CSMD3: variants seen among roughly 807,000 people sequenced by gnomAD.
CSMD3 encodes CUB and Sushi multiple domains 3, also known as CUB and sushi domain-containing protein 3.
A neutral mutation model predicts 435.2 loss-of-function variants in CSMD3; 177 were observed. That is an observed-to-expected ratio of 0.41 (90% CI 0.36 to 0.46). CSMD3 has a LOEUF of 0.46. Ranked by LOEUF, CSMD3 falls within the 20% of genes least tolerant of loss-of-function variation. CSMD3 has a pLI of 0.34. For synonymous variants in CSMD3, 1,656 were observed against 1,520.5 expected, an observed-to-expected ratio of 1.09 and a Z score of -2.07; for missense variants, 4,265 against 4,504.6, an observed-to-expected ratio of 0.95 and a Z score of 1.52.
chr8:112,511,427 T>C (rs548702042), intron 28 of CSMD3, among the ~76,000 whole-genome samples: 77 of 146,324 alleles, frequency 5.3e-4, no homozygotes, highest in Middle Eastern at 3.6e-3. Context: ...TCTCGCTCTG[T>C]TGCCTAGGCT....
chr8:113,362,241 G>T (rs1024085999), intron 1 of CSMD3, among the ~76,000 whole-genome samples: 1 of 152,070 alleles, frequency 6.6e-6, no homozygotes, highest in South Asian at 2.1e-4. Flanking sequence ...ATAACTCACA[G>T]ATTAGACATT....
chr8:112,650,394 T>C, intron 18 of CSMD3, 45 bp from the exon 19 acceptor site: 2 of 1,466,430 alleles, frequency 1.4e-6, no homozygotes, highest in Non-Finnish European at 9.6e-7. Context: ...TTGGTGGGAT[T>C]TGGAGTTGCT....
At chr8:112,658,677 G>T (rs1200345900) in intron 17 of CSMD3, among the ~76,000 whole-genome samples, 1 of 152,068 alleles carries the variant, frequency 6.6e-6, no homozygotes, top group Non-Finnish European at 1.5e-5. Flanking sequence ...GTCAATCTAG[G>T]CCAGGCACAG....
intron 5 of CSMD3, among the ~76,000 whole-genome samples, chr8:113,091,864 A>T (rs947254553): frequency 6.6e-6 from 1 of 151,966 alleles, no homozygotes; most frequent in South Asian, 2.1e-4. Context: ...TTTAAGATGC[A>T]TCATGGGTGT....
intron 11 of CSMD3, among the ~76,000 whole-genome samples, chr8:112,836,720 T>G (rs953319533): frequency 6.6e-6 from 1 of 151,846 alleles, no homozygotes; most frequent in Non-Finnish European, 1.5e-5. Context: ...TCTGTGTGCG[T>G]GGGGCTTGCA....
chr8:112,501,319 G>A (rs1236103238), intron 30 of CSMD3, among the ~76,000 whole-genome samples: 3 of 151,378 alleles, frequency 2.0e-5, no homozygotes, highest in Non-Finnish European at 4.4e-5. Flanking sequence ...GAATGAACTC[G>A]GGAGGCGGAG....
chr8:112,280,213 T>C (rs1327641666), intron 59 of CSMD3, among the ~76,000 whole-genome samples: 3 of 152,160 alleles, frequency 2.0e-5, no homozygotes, highest in African/African-American at 4.8e-5. Flanking sequence ...CAAGTCTCCT[T>C]TGCTACAGAG....
chr8:112,470,090 A>C (rs1271564204), intron 32 of CSMD3, among the ~76,000 whole-genome samples: 1 of 152,204 alleles, frequency 6.6e-6, no homozygotes, highest in Non-Finnish European at 1.5e-5. Context: ...AATACGAAGA[A>C]GTCAACAGTC....
At chr8:113,409,427 C>G (rs1030493175) in intron 1 of CSMD3, among the ~76,000 whole-genome samples, 2 of 152,030 alleles carry the variant, frequency 1.3e-5, no homozygotes, top group African/African-American at 4.8e-5. Flanking sequence ...TAGTTCCTAT[C>G]TCTTTTCACT....
chr8:112,839,669 G>GT (rs535540487), intron 11 of CSMD3, among the ~76,000 whole-genome samples: 23 of 151,362 alleles, frequency 1.5e-4, no homozygotes, highest in South Asian at 4.2e-4. Flanking sequence ...CTCTTTTTCT[G>GT]TTTTTTTGTC....
intron 16 of CSMD3, among the ~76,000 whole-genome samples, chr8:112,675,104 A>T (rs1464894222): frequency 6.6e-6 from 1 of 151,990 alleles, no homozygotes; most frequent in Non-Finnish European, 1.5e-5. Flanking sequence ...AATATAGATA[A>T]TTTTTTCTTC....
At chr8:112,391,199 TGAG>T in intron 35 of CSMD3, among the ~76,000 whole-genome samples, 1 of 152,292 alleles carries the variant, frequency 6.6e-6, no homozygotes, top group Admixed American at 6.5e-5. Flanking sequence ...TGGAAAGTAA[TGAG>T]GATGATGATA....
intron 27 of CSMD3, among the ~76,000 whole-genome samples, chr8:112,535,527 C>G (rs1338666497): frequency 6.6e-6 from 1 of 151,482 alleles, no homozygotes; most frequent in South Asian, 2.1e-4. Context: ...AAAGAGGATA[C>G]AAACAAATGG....
intron 13 of CSMD3, among the ~76,000 whole-genome samples, chr8:112,765,780 C>T (rs1230403665): frequency 5.3e-5 from 8 of 151,636 alleles, no homozygotes; most frequent in Non-Finnish European, 7.4e-5. Context: ...TGCAACTCTG[C>T]GGTCCTGTAT....
At chr8:113,274,780 A>T (rs2093556374) in intron 3 of CSMD3, among the ~76,000 whole-genome samples, 1 of 150,480 alleles carries the variant, frequency 6.6e-6, no homozygotes, top group Non-Finnish European at 1.5e-5. Context: ...TTTTAAAGAA[A>T]TATATTTGTA....
chr8:112,899,599 TTATATA>T (rs71309794), intron 10 of CSMD3, among the ~76,000 whole-genome samples: 38,239 of 99,672 alleles, frequency 0.38, 7,037 homozygotes, highest in East Asian at 0.53. Flanking sequence ...CTTGTCTATT[TTATATA>T]TATATATATA....
At chr8:113,402,959 G>A (rs900231990) in intron 1 of CSMD3, among the ~76,000 whole-genome samples, 1 of 151,090 alleles carries the variant, frequency 6.6e-6, no homozygotes, top group East Asian at 1.9e-4. Flanking sequence ...TAAATCAAGT[G>A]CACTATTGGC....
intron 13 of CSMD3, among the ~76,000 whole-genome samples, chr8:112,732,955 A>G (rs1324928437): frequency 2.0e-5 from 3 of 152,142 alleles, no homozygotes; most frequent in Non-Finnish European, 4.4e-5. Flanking sequence ...AAAAGTAAAC[A>G]CAATTTATTT....
intron 1 of CSMD3, among the ~76,000 whole-genome samples, chr8:113,380,131 T>G (rs1213773769): frequency 6.6e-6 from 1 of 152,206 alleles, no homozygotes; most frequent in African/African-American, 2.4e-5. Context: ...TAACCAGCTA[T>G]AACATCCGTG....
Sources: allele counts gnomAD v4.1 joint callset (sites outside exome capture counted in the v4.1 genomes callset), GRCh38; gene constraint gnomAD v4.1.1; transcripts MANE v1.5; gene names NCBI Gene and HGNC (gene_info 2026-07-23, HGNC 2026-07-21).